The following PTPRG variants were observed in gnomAD, a reference collection of about 807,000 sequenced individuals.
PTPRG encodes the protein receptor-type tyrosine-protein phosphatase gamma.
PTPRG carries 102 observed loss-of-function variants against 165.3 expected under a neutral mutation model. The observed-to-expected ratio is 0.62, with a 90% CI of 0.53 to 0.73. PTPRG has a LOEUF of 0.73. PTPRG is among the 30% of genes least tolerant of loss of function. The pLI, the probability that PTPRG is intolerant of heterozygous loss-of-function variation, is 0.00. For missense variants in PTPRG, 1,866 were observed against 1,861.4 expected, an observed-to-expected ratio of 1.00 and a Z score of -0.05; for synonymous variants, 675 against 669.5, an observed-to-expected ratio of 1.01 and a Z score of -0.13.
At chr3:62,132,184 G>C (rs1387355815) in intron 5 of PTPRG, among the ~76,000 whole-genome samples, 2 of 152,170 alleles carry the variant, frequency 1.3e-5, no homozygotes, top group Admixed American at 6.5e-5. Context: ...GCAGAAAACA[G>C]ATTCATTTTC....
At chr3:62,038,937 G>A (rs1700037777) in intron 4 of PTPRG, among the ~76,000 whole-genome samples, 1 of 151,988 alleles carries the variant, frequency 6.6e-6, no homozygotes, top group South Asian at 2.1e-4. Context: ...CCTGATCGGA[G>A]AGAGATTTAT....
At chr3:62,246,971 A>G (rs1379744039) in intron 15 of PTPRG, among the ~76,000 whole-genome samples, 3 of 152,142 alleles carry the variant, frequency 2.0e-5, no homozygotes, top group African/African-American at 7.2e-5. Context: ...AGCAGGGTGA[A>G]GTTGAAAATT....
In PTPRG at chr3:61,833,631, C is replaced by T. The variant is rs144119786; in HGVS notation, c.190+84649C>T. 4.8e-3 allele frequency among the ~76,000 whole-genome samples: 727 copies of T among 151,620 alleles called. 4 individuals are homozygous for T. Among genetic ancestry groups the T allele is most frequent in the African/African-American group, 0.017 (701 of 41,290 alleles). On this transcript the variant is annotated intron_variant, in intron 2 of 29. Coordinates refer to ENST00000474889, the MANE Select transcript of PTPRG (RefSeq NM_002841.4). Reference sequence around the variant, plus strand: ...AGGCTGGAGTGCAGTGGTGTGATCTCGGCTCGCTGCAACCTCCGCCACCTG... The same window carrying T: ...AGGCTGGAGTGCAGTGGTGTGATCTTGGCTCGCTGCAACCTCCGCCACCTG...
chr3:61,892,844 T>C (rs2038254103), intron 2 of PTPRG, among the ~76,000 whole-genome samples: 1 of 151,642 alleles, frequency 6.6e-6, no homozygotes, highest in East Asian at 1.9e-4. Context: ...CCTGGGTCCC[T>C]TTAATTGATT....
In PTPRG at chr3:62,203,983, G is replaced by A. The variant is rs761589618; in HGVS notation, c.2155+33G>A. The A allele has an allele frequency of 2.0e-6, 3 of 1,521,638 alleles. No homozygotes were observed. Among genetic ancestry groups the A allele is most frequent in the Non-Finnish European group, 8.8e-7 (1 of 1,133,874 alleles). 94.3% of individuals were successfully genotyped at this position (1,521,638 alleles called of 1,614,324 possible). A position where few individuals can be genotyped will look rare whatever the true frequency, so the allele number is the denominator to read the frequency against. The stretch of plus-strand genomic sequence containing the variant: ...GTGCAGGTCTTCTTCGAGGGTTCCT[G>A]CTCCTGTGAATAGTCGTACCCTTTT... On this transcript the variant is annotated intron_variant, in intron 12 of 29. Coordinates refer to ENST00000474889, the MANE Select transcript of PTPRG (RefSeq NM_002841.4). This position sits in a 1 kb window ranked among gnomAD's most constrained non-coding sequence, Gnocchi z 6.4.
At chr3:62,262,950 G>T in intron 17 of PTPRG, 56 bp downstream of exon 17, 1 of 1,348,168 alleles carries the variant, frequency 7.4e-7, no homozygotes. Context: ...TTTTCATGCT[G>T]GGTATAAGCT....
intron 2 of PTPRG, among the ~76,000 whole-genome samples, chr3:61,906,778 T>TGTAGGTAGGTAG (rs71123239): frequency 5.4e-5 from 8 of 146,972 alleles, no homozygotes; most frequent in African/African-American, 1.3e-4. Context: ...AGTGAGACCC[T>TGTAGGTAGGTAG]GTAGGTAGGT....
At position 62,072,609 on chromosome 3, in the gene PTPRG, A is replaced by ATGTG. The variant is rs1174208882; in HGVS notation, c.520-5552_520-5549dup. Among the ~76,000 whole-genome samples, 145 of 141,252 alleles carry ATGTG rather than the reference A, an allele frequency of 1.0e-3. 1 individual carries two copies. The highest frequency in any genetic ancestry group is 3.8e-3 in the African/African-American group (134 of 35,178). The allele number at this position is 141,252 out of a possible 152,430, so 92.7% of individuals were successfully genotyped here. ...TTTGTTTCTGTGCTTGAGAATATATATGTGTATGTGTGTGTGTGTGTGTGT... is the reference window on the plus strand; with the variant it reads ...TTTGTTTCTGTGCTTGAGAATATATATGTGTGTGTATGTGTGTGTGTGTGTGTGT... On this transcript the variant is annotated intron_variant, in intron 4 of 29. Transcript: ENST00000474889.
In PTPRG at chr3:62,245,624, T is replaced by G. The variant is rs527599180; in HGVS notation, c.2467+1726T>G. ...TCTCTGAACCTTAGTTTCCAGAATC[T>G]GTAAATTAATTAGGATGCCTATTCT... is the stretch of plus-strand genomic sequence containing the variant. On this transcript the variant is annotated intron_variant, in intron 15 of 29. Transcript: ENST00000474889. This position sits in a 1 kb window ranked among gnomAD's most constrained non-coding sequence, Gnocchi z 4.2. Among the ~76,000 whole-genome samples the G allele has an allele frequency of 1.1e-4, 17 of 152,244 alleles. 1 individual carries two copies. The highest frequency in any genetic ancestry group is 3.4e-3 in the Middle Eastern group (1 of 294).
intron 2 of PTPRG, among the ~76,000 whole-genome samples, chr3:61,824,532 T>C (rs547374810): frequency 4.5e-4 from 69 of 152,306 alleles, no homozygotes; most frequent in African/African-American, 1.5e-3. Context: ...AATCCTTAAG[T>C]GAAACTGTGA....
intron 4 of PTPRG, among the ~76,000 whole-genome samples, chr3:62,026,294 A>G (rs943241911): frequency 3.3e-5 from 5 of 152,192 alleles, no homozygotes; most frequent in Non-Finnish European, 5.9e-5. Flanking sequence ...TGAAAATGCA[A>G]TGTTCTTGAC....
chr3:62,244,878 A>G (rs556541384), intron 15 of PTPRG, among the ~76,000 whole-genome samples: 1 of 152,196 alleles, frequency 6.6e-6, no homozygotes, highest in Non-Finnish European at 1.5e-5. Context: ...TAAAGTTCTA[A>G]AAAGGTCTTG....
intron 8 of PTPRG, among the ~76,000 whole-genome samples, chr3:62,187,944 C>T (rs918790727): frequency 6.6e-6 from 1 of 152,132 alleles, no homozygotes; most frequent in African/African-American, 2.4e-5. Flanking sequence ...AGATCTACCT[C>T]CTTTGAGAGC....
chr3:62,243,036 C>T (rs1296513612), intron 14 of PTPRG, among the ~76,000 whole-genome samples: 1 of 152,070 alleles, frequency 6.6e-6, no homozygotes, highest in African/African-American at 2.4e-5. Context: ...GCCTGTGCTT[C>T]CGGCAGCTCA....
chr3:62,281,874 T>C (rs977390778), intron 27 of PTPRG, among the ~76,000 whole-genome samples, 165 bp downstream of exon 27: 1 of 152,000 alleles, frequency 6.6e-6, no homozygotes, highest in Non-Finnish European at 1.5e-5. Flanking sequence ...AAATATTTGC[T>C]TTTTCCAGCT....
chr3:62,118,768 A>G lies in PTPRG; in HGVS notation c.616-13834A>G, dbSNP rs1702954338. Among the ~76,000 whole-genome samples the G allele has an allele frequency of 2.0e-5, 3 of 152,186 alleles. No homozygotes were observed. In the South Asian group the frequency reaches 6.2e-4, roughly 32 times the overall value. ...CATCTTTTCATTTTACCCCTGCAGA[A>G]CAACCCAGGAGGTGTGTGTCATTGT... On this transcript the variant is annotated intron_variant, in intron 5 of 29. Coordinates refer to ENST00000474889, the MANE Select transcript of PTPRG (RefSeq NM_002841.4).
intron 2 of PTPRG, among the ~76,000 whole-genome samples, chr3:61,802,217 A>G (rs1487025963): frequency 6.6e-6 from 1 of 152,202 alleles, no homozygotes; most frequent in South Asian, 2.1e-4. Context: ...GAGTAGGAGA[A>G]TGAGCCCTGG....
At chr3:61,780,349 GA>G in intron 2 of PTPRG, among the ~76,000 whole-genome samples, 1 of 152,272 alleles carries the variant, frequency 6.6e-6, no homozygotes, top group East Asian at 1.9e-4. Flanking sequence ...CCCCCAGGAA[GA>G]AATTACAAGA....
intron 2 of PTPRG, among the ~76,000 whole-genome samples, chr3:61,921,321 T>C (rs145389020): frequency 0.011 from 1,633 of 152,314 alleles, 37 homozygotes; most frequent in South Asian, 0.093. Context: ...AATGAGAACA[T>C]ATCGAAGTAA....
Sources: allele counts gnomAD v4.1 joint callset (sites outside exome capture counted in the v4.1 genomes callset), GRCh38; gene constraint gnomAD v4.1.1; non-coding constraint Gnocchi (gnomAD v3.1); transcripts MANE v1.5; gene names NCBI Gene and HGNC (gene_info 2026-07-23, HGNC 2026-07-21).